Variants in FER observed in about 807,000 individuals in gnomAD.
The protein encoded by FER is tyrosine-protein kinase Fer.
A neutral mutation model predicts 111.0 loss-of-function variants in FER; 63 were observed. That is an observed-to-expected ratio of 0.57 (90% confidence interval 0.46 to 0.70). The LOEUF (loss-of-function observed/expected upper bound fraction) is 0.70, where lower values mean the gene tolerates loss of function less well. Among genes scored for constraint, FER ranks in the 30% least tolerant of loss-of-function variants. The pLI is 0.00. For missense variants in FER, 914 were observed against 954.0 expected (o/e 0.96, Z 0.55); for synonymous variants, 327 against 313.9 (o/e 1.04, Z -0.44).
At chr5:108,831,103 G>A (rs547373886) in intron 3 of FER, among the ~76,000 whole-genome samples, 12 of 152,040 alleles carry the variant, frequency 7.9e-5, no homozygotes, top group Admixed American at 1.3e-4. Flanking sequence ...GGAGAGGAGG[G>A]CAATCTGACC....
intron 13 of FER, among the ~76,000 whole-genome samples, chr5:109,029,422 GTTCTTT>G (rs1218335735): frequency 3.0e-5 from 2 of 67,294 alleles, no homozygotes. Context: ...TCTATTCATT[GTTCTTT>G]TTTTTTTTTT....
intron 14 of FER, among the ~76,000 whole-genome samples, chr5:109,037,706 G>A (rs1027709063): frequency 2.0e-5 from 3 of 151,980 alleles, no homozygotes; most frequent in Non-Finnish European, 2.9e-5. Context: ...TATTATATGT[G>A]TGTTTTCCCC....
intron 9 of FER, among the ~76,000 whole-genome samples, chr5:108,888,078 T>C (rs948010699): frequency 2.6e-5 from 4 of 151,880 alleles, no homozygotes; most frequent in Non-Finnish European, 5.9e-5. Flanking sequence ...TAATGTGACA[T>C]CTGAGGTCCA....
intron 9 of FER, 87 bp downstream of exon 9, chr5:108,883,605 C>G: frequency 8.6e-7 from 1 of 1,156,686 alleles, no homozygotes. Context: ...GTGAACCTAA[C>G]ATTTCTAGAA....
In FER at chr5:109,124,591, TTGTTG is replaced by T. The variant is rs1191776872; in HGVS notation, c.2048+24074_2048+24078del. 6.9e-4 allele frequency among the ~76,000 whole-genome samples: 30 copies of T among 43,280 alleles called. No individual in the cohort carries two copies. In the African/African-American group the frequency reaches 0.011, roughly 16 times the overall value. The allele number at this position is 43,280 out of a possible 152,430, so 28.4% of individuals were successfully genotyped here. ...AGACAGACATTTTTTAATAGTTTTG[TTGTTG>T]TTGTTGTTGTTGTTGTTGTTGTTGT... On this transcript the variant is annotated intron_variant, in intron 17 of 19. Transcript: ENST00000281092.
At chr5:108,925,509 G>A (rs1383432213) in intron 10 of FER, among the ~76,000 whole-genome samples, 1 of 151,964 alleles carries the variant, frequency 6.6e-6, no homozygotes, top group Non-Finnish European at 1.5e-5. Context: ...TGTTGGTGAA[G>A]AATTATATTT....
In FER at chr5:108,846,739, C is replaced by T. The variant is rs1004395680; in HGVS notation, c.481+10932C>T. Reference sequence around the variant, plus strand: ...CTGGGACTGCAGGCACCTGCCACCACGCCCGGCTAATTTTTTTGTATTTTT... The same window carrying T: ...CTGGGACTGCAGGCACCTGCCACCATGCCCGGCTAATTTTTTTGTATTTTT... On this transcript the variant is annotated intron_variant, in intron 5 of 19. Coordinates refer to ENST00000281092, the MANE Select transcript of FER (RefSeq NM_005246.4). Among the ~76,000 whole-genome samples the T allele has an allele frequency of 1.3e-3, 203 of 152,128 alleles. 2 individuals are homozygous for T. Among genetic ancestry groups the T allele is most frequent in the Non-Finnish European group, 2.2e-3 (148 of 67,998 alleles).
intron 8 of FER, among the ~76,000 whole-genome samples, chr5:108,878,973 C>A (rs757892697): frequency 1.3e-5 from 2 of 152,086 alleles, no homozygotes; most frequent in African/African-American, 4.8e-5. Flanking sequence ...GGCTCTGTGA[C>A]GGTGGACAAG....
At chr5:108,748,027 C>G (rs924419500) in intron 1 of FER, 27 bp downstream of exon 1, 1 of 152,248 alleles carries the variant, frequency 6.6e-6, no homozygotes, top group Non-Finnish European at 1.5e-5. Flanking sequence ...GGGGGCCACT[C>G]CCAGGACCTG....
chr5:109,137,994 A>C (rs565159885), intron 17 of FER, among the ~76,000 whole-genome samples: 1 of 152,188 alleles, frequency 6.6e-6, no homozygotes, highest in East Asian at 1.9e-4. Context: ...TAACTAATGC[A>C]CTGGTTTGGT....
Position 108,959,240 on chromosome 5 carries a change from G to A in FER, c.1549G>A (p.Glu517Lys), listed in dbSNP as rs764688399. The A allele has an allele frequency of 2.5e-6, 4 of 1,611,116 alleles. No homozygotes were observed. Among genetic ancestry groups the A allele is most frequent in the South Asian group, 2.2e-5 (2 of 90,822 alleles). Reference sequence around the variant, plus strand: ...CTCTCTCCAGAACATGTATCGATTCGAGGGCACTGGGTTTTCAAACATTCC... The same window carrying A: ...CTCTCTCCAGAACATGTATCGATTCAAGGGCACTGGGTTTTCAAACATTCC... ...IQYVDNMYRF[E>K]GTGFSNIPQL... is the part of the protein sequence containing the mutation. The change falls in exon 13 of 20, where the codon GAG (glutamate) becomes AAG (lysine). Residue 517 changes from glutamate (E) to lysine (K), a missense_variant. Physicochemically the swap from Glu to Lys is moderately conservative, Grantham distance 56. This residue lies in a region of FER where 774 missense variants were observed against 782.6 expected (regional missense o/e 0.99). Transcript: ENST00000281092.
In FER at chr5:109,074,531, T is replaced by G. The variant is rs538284980; in HGVS notation, c.1925-25865T>G. 2.0e-5 allele frequency among the ~76,000 whole-genome samples: 3 copies of G among 152,358 alleles called. No homozygotes were observed. In the South Asian group the frequency reaches 6.2e-4, roughly 32 times the overall value. On this transcript the variant is annotated intron_variant, in intron 16 of 19. Transcript: ENST00000281092. ...ATTTTCCCTGGACCCATAGCTGTCC[T>G]TGGCCCTAAAGCCTGGAATTCCATA... is the stretch of plus-strand genomic sequence containing the variant.
At chr5:108,787,328 G>A (rs561884563) in intron 2 of FER, among the ~76,000 whole-genome samples, 90 of 152,320 alleles carry the variant, frequency 5.9e-4, no homozygotes, top group African/African-American at 1.7e-3. Context: ...GAGGGGGGCC[G>A]CAGGGGCTGA....
At chr5:109,015,075 A>T (rs988812812) in intron 13 of FER, 1 of 152,144 alleles carries the variant, frequency 6.6e-6, no homozygotes, top group South Asian at 2.1e-4. Flanking sequence ...CAATCTAGTT[A>T]TAGAAAAAAG....
chr5:109,037,976 G>A (rs1399697213), intron 14 of FER, among the ~76,000 whole-genome samples: 1 of 151,724 alleles, frequency 6.6e-6, no homozygotes, highest in Non-Finnish European at 1.5e-5. Context: ...CAAGACACTT[G>A]TTTCAATATA....
intron 13 of FER, among the ~76,000 whole-genome samples, chr5:109,001,258 A>G (rs879561060): frequency 1.1e-4 from 16 of 152,244 alleles, no homozygotes; most frequent in Non-Finnish European, 1.6e-4. Flanking sequence ...AACTGAATCC[A>G]GCAGCACATC....
At chr5:108,931,293 A>G (rs550563306) in intron 10 of FER, among the ~76,000 whole-genome samples, 12 of 152,238 alleles carry the variant, frequency 7.9e-5, no homozygotes, top group African/African-American at 2.9e-4. Flanking sequence ...CTTCAGCAAT[A>G]GTGATTGTTA....
chr5:108,940,178 G>C (rs1168160792), intron 10 of FER, among the ~76,000 whole-genome samples: 1 of 152,040 alleles, frequency 6.6e-6, no homozygotes, highest in African/African-American at 2.4e-5. Context: ...GCCTTTAACT[G>C]TGTAGTAATT....
At chr5:108,854,033 CAATT>C (rs1248305262) in intron 5 of FER, among the ~76,000 whole-genome samples, 5 of 152,254 alleles carry the variant, frequency 3.3e-5, no homozygotes, top group Non-Finnish European at 5.9e-5. Flanking sequence ...TCTGTATAAA[CAATT>C]AATTCTTGTT....
Sources: gnomAD v4.1 joint callset for allele counts (sites outside exome capture counted in the v4.1 genomes callset) on GRCh38, gnomAD v4.1.1 for gene constraint, gnomAD v4.1.1 regional missense constraint, MANE v1.5 for transcripts, NCBI Gene and HGNC (gene_info 2026-07-23, HGNC 2026-07-21) for gene names.